The following LINGO2 variants were observed in gnomAD, a reference collection of about 807,000 sequenced individuals.
The protein encoded by LINGO2 is leucine-rich repeat and immunoglobulin-like domain-containing nogo receptor-interacting protein 2.
A neutral mutation model predicts 30.6 loss-of-function variants in LINGO2; 14 were observed. The ratio of observed to expected loss-of-function variants is 0.46; its 90% confidence interval spans 0.30 to 0.72. LINGO2 has a LOEUF of 0.72. Among genes scored for constraint, LINGO2 ranks in the 30% least tolerant of loss-of-function variants. LINGO2 has a pLI of 0.07. For missense variants in LINGO2, 729 were observed against 751.7 expected (o/e 0.97, Z 0.35); for synonymous variants, 317 against 288.5 (o/e 1.10, Z -1.00).
At chr9:29,190,358 A>T in the LINGO2 span, among the ~76,000 whole-genome samples, 1 of 152,160 alleles carries the variant, frequency 6.6e-6, no homozygotes, top group Non-Finnish European at 1.5e-5. Context: ...TTATAACCAA[A>T]TTTGAGTAAG....
chr9:28,010,801 A>T (rs954846034), intron 5 of LINGO2, among the ~76,000 whole-genome samples: 4 of 152,188 alleles, frequency 2.6e-5, no homozygotes, highest in African/African-American at 7.2e-5. Flanking sequence ...AAAAGAAATT[A>T]AAAAATTAGC....
intron 3 of LINGO2, among the ~76,000 whole-genome samples, chr9:28,361,892 C>G (rs893598069): frequency 1.3e-5 from 2 of 152,156 alleles, no homozygotes; most frequent in African/African-American, 4.8e-5. Flanking sequence ...GACACTGAAT[C>G]TCGGGTTGAG....
rs145863739 is a variant in LINGO2, at chr9:28,169,633, G to T, written c.-87+125575C>A. ...AATGGACAAAATCAATATCTTCATG[G>T]AGATTAACATTTATTGAATGGACAC... On this transcript the variant is annotated intron_variant, in intron 4 of 5. Transcript: ENST00000379992. 2.9e-3 allele frequency among the ~76,000 whole-genome samples: 436 copies of T among 152,260 alleles called. 3 individuals carry two copies. The highest frequency in any genetic ancestry group is 2.4e-3 in the Non-Finnish European group (166 of 68,004).
chr9:28,150,914 G>C lies in LINGO2; in HGVS notation c.-86-138509C>G, dbSNP rs1352551161. On this transcript the variant is annotated intron_variant, in intron 4 of 5. Coordinates refer to ENST00000379992, the Ensembl canonical transcript of LINGO2. Reference sequence around the variant, plus strand: ...TAGAGGATATTAAGAATGTCAGAGAGCTACTTCCTGAAATATTGCCAAACT... The same window carrying C: ...TAGAGGATATTAAGAATGTCAGAGACCTACTTCCTGAAATATTGCCAAACT... Among the ~76,000 whole-genome samples the C allele has an allele frequency of 3.3e-5, 5 of 152,184 alleles. No individual in the cohort carries two copies. In the East Asian group the frequency reaches 9.6e-4, roughly 29 times the overall value.
the LINGO2 span, among the ~76,000 whole-genome samples, chr9:28,756,951 T>G: frequency 6.6e-6 from 1 of 151,776 alleles, no homozygotes; most frequent in African/African-American, 2.4e-5. Context: ...AAAAAAGAAG[T>G]GAGATATCTC....
intron 4 of LINGO2, among the ~76,000 whole-genome samples, chr9:28,134,212 C>T (rs556256870): frequency 6.6e-6 from 1 of 152,006 alleles, no homozygotes; most frequent in South Asian, 2.1e-4. Flanking sequence ...TATTCTTGTC[C>T]CCAAACAACC....
intron 3 of LINGO2, among the ~76,000 whole-genome samples, chr9:28,335,941 G>C (rs756526820): frequency 2.0e-5 from 3 of 151,964 alleles, no homozygotes; most frequent in Non-Finnish European, 4.4e-5. Context: ...TTTTCTGTTA[G>C]ATCAATGCTC....
intron 2 of LINGO2, among the ~76,000 whole-genome samples, chr9:28,393,899 ACT>A (rs1430727461): frequency 6.6e-6 from 1 of 152,150 alleles, no homozygotes; most frequent in Non-Finnish European, 1.5e-5. Flanking sequence ...AGAGGGGATA[ACT>A]CTGAGGAAAA....
intron 1 of LINGO2, among the ~76,000 whole-genome samples, chr9:28,630,149 C>T (rs966791874): frequency 3.3e-5 from 5 of 151,706 alleles, no homozygotes; most frequent in Non-Finnish European, 7.4e-5. Context: ...CAGCATGGCA[C>T]ATGTATACAT....
intron 3 of LINGO2, among the ~76,000 whole-genome samples, chr9:28,345,674 T>C (rs1435719352): frequency 6.6e-6 from 1 of 152,186 alleles, no homozygotes; most frequent in Non-Finnish European, 1.5e-5. Context: ...CAACTCACAT[T>C]TGAGTTTTGT....
At chr9:29,099,549 T>C in the LINGO2 span, among the ~76,000 whole-genome samples, 8 of 152,178 alleles carry the variant, frequency 5.3e-5, no homozygotes, top group East Asian at 1.5e-3. Context: ...AAAAAATTAA[T>C]AATCCAATTT....
At chr9:28,286,975 T>C (rs1823532993) in intron 4 of LINGO2, among the ~76,000 whole-genome samples, 1 of 152,116 alleles carries the variant, frequency 6.6e-6, no homozygotes, top group African/African-American at 2.4e-5. Context: ...AAAAAATATA[T>C]AGAAGTGTGA....
At chr9:28,209,908 G>A (rs1187106214) in intron 4 of LINGO2, among the ~76,000 whole-genome samples, 1 of 151,680 alleles carries the variant, frequency 6.6e-6, no homozygotes, top group Non-Finnish European at 1.5e-5. Context: ...GGCAAGCTAT[G>A]AAACTACTCA....
At chr9:28,798,877 G>A in the LINGO2 span, among the ~76,000 whole-genome samples, 1 of 152,090 alleles carries the variant, frequency 6.6e-6, no homozygotes, top group Non-Finnish European at 1.5e-5. Flanking sequence ...GGACACATAT[G>A]TGAGAGGTAC....
chr9:28,435,273 T>G (rs1823877714), intron 2 of LINGO2, among the ~76,000 whole-genome samples: 1 of 152,186 alleles, frequency 6.6e-6, no homozygotes, highest in South Asian at 2.1e-4. Flanking sequence ...TTATGTCATT[T>G]TAACCATATT....
rs909723940 is a variant in LINGO2, at chr9:28,554,118, A to G, written c.-364-78093T>C. Among the ~76,000 whole-genome samples, 5 of 151,600 alleles carry G rather than the reference A, an allele frequency of 3.3e-5. No homozygotes were observed. In the East Asian group the frequency reaches 9.7e-4, roughly 29 times the overall value. On this transcript the variant is annotated intron_variant, in intron 1 of 5. Coordinates refer to ENST00000379992, the Ensembl canonical transcript of LINGO2. ...ACGAGCAAAATCACCAGCTAACATC[A>G]TAATGACAGGATCAAATTCACACAT...
At chr9:28,950,324 A>C in the LINGO2 span, among the ~76,000 whole-genome samples, 4 of 152,354 alleles carry the variant, frequency 2.6e-5, no homozygotes, top group Middle Eastern at 0.01. Flanking sequence ...ATTCCCTTTG[A>C]AAAGCAGCAC....
intron 2 of LINGO2, among the ~76,000 whole-genome samples, chr9:28,441,978 G>A (rs913962197): frequency 5.9e-5 from 9 of 151,896 alleles, no homozygotes; most frequent in African/African-American, 1.7e-4. Flanking sequence ...AATGTATATC[G>A]ATTCAATCTT....
chr9:28,171,769 G>A (rs1308641344), intron 4 of LINGO2, among the ~76,000 whole-genome samples: 2 of 151,730 alleles, frequency 1.3e-5, no homozygotes, highest in Admixed American at 6.6e-5. Context: ...AGCACTTTGG[G>A]AGGCCGAGGC....
Sources: gnomAD v4.1 joint callset for allele counts (sites outside exome capture counted in the v4.1 genomes callset) on GRCh38, gnomAD v4.1.1 for gene constraint, MANE v1.5 for transcripts, NCBI Gene and HGNC (gene_info 2026-07-23, HGNC 2026-07-21) for gene names.